PDE1C: variants seen among roughly 807,000 people sequenced by gnomAD.
The protein encoded by PDE1C is phosphodiesterase 1C, also known as dual specificity calcium/calmodulin-dependent 3',5'-cyclic nucleotide phosphodiesterase 1C.
Under a neutral mutation model 93.1 loss-of-function variants are expected in PDE1C, and 62 were observed. The ratio of observed to expected loss-of-function variants is 0.67; its 90% CI spans 0.54 to 0.82. The LOEUF (loss-of-function observed/expected upper bound fraction) is 0.82. Among genes scored for constraint, PDE1C ranks in the 40% least tolerant of loss-of-function variants. The pLI is 0.00. For missense variants in PDE1C, 742 were observed against 884.6 expected (o/e 0.84, Z 2.04); for synonymous variants, 325 against 310.1 (o/e 1.05, Z -0.50).
chr7:31,968,283 G>A (rs1196167709), intron 2 of PDE1C, among the ~76,000 whole-genome samples: 3 of 152,112 alleles, frequency 2.0e-5, no homozygotes, highest in East Asian at 1.9e-4. Flanking sequence ...AAATCAATGT[G>A]CAAAAATCAC....
intron 1 of PDE1C, among the ~76,000 whole-genome samples, chr7:32,325,235 G>C (rs1333358873): frequency 6.6e-6 from 1 of 152,182 alleles, no homozygotes; most frequent in Admixed American, 6.5e-5. Flanking sequence ...CCTGAAGAGA[G>C]CATCCATTGC....
chr7:31,643,696 C>A, the PDE1C span: 1 of 1,614,044 alleles, frequency 6.2e-7, no homozygotes. Context: ...GACACATGGG[C>A]CCCAGCCCCT....
chr7:32,254,104 G>A (rs192408024), intron 1 of PDE1C, among the ~76,000 whole-genome samples: 5 of 152,200 alleles, frequency 3.3e-5, no homozygotes, highest in Admixed American at 6.5e-5. Flanking sequence ...GATACGGGGC[G>A]TATCAGAGGA....
intron 8 of PDE1C, 58 bp from the exon 9 acceptor site, chr7:31,848,154 A>T (rs1397098743): frequency 6.3e-6 from 10 of 1,578,468 alleles, no homozygotes; most frequent in Non-Finnish European, 8.7e-6. Context: ...TACTTGGGTA[A>T]TTCTAACAGG....
chr7:32,101,589 C>A (rs886428342), intron 3 of PDE1C, among the ~76,000 whole-genome samples: 1 of 152,178 alleles, frequency 6.6e-6, no homozygotes, highest in Non-Finnish European at 1.5e-5. Flanking sequence ...TGCTCCCACT[C>A]TCACCATGTG....
intron 3 of PDE1C, among the ~76,000 whole-genome samples, chr7:32,159,901 A>T (rs543061047): frequency 2.6e-5 from 4 of 152,290 alleles, no homozygotes; most frequent in Admixed American, 2.6e-4. Context: ...CAGGCCCCAG[A>T]GGCTCCCACA....
chr7:31,844,799 C>T (rs1250598589), intron 9 of PDE1C, among the ~76,000 whole-genome samples: 1 of 151,990 alleles, frequency 6.6e-6, no homozygotes, highest in South Asian at 2.1e-4. Flanking sequence ...ATAAAATTAT[C>T]CCACATGTCC....
intron 2 of PDE1C, among the ~76,000 whole-genome samples, chr7:32,173,057 C>T (rs924862964): frequency 5.3e-5 from 8 of 152,092 alleles, no homozygotes; most frequent in Non-Finnish European, 2.9e-5. Context: ...GACACATGCA[C>T]ACATATGTTT....
At chr7:32,016,469 T>C (rs76137966) in intron 2 of PDE1C, among the ~76,000 whole-genome samples, 1,879 of 152,326 alleles carry the variant, frequency 0.012, 53 homozygotes, top group African/African-American at 0.043. Flanking sequence ...CTTTAAATGT[T>C]TTTCCATACT....
intron 1 of PDE1C, among the ~76,000 whole-genome samples, chr7:32,248,654 T>G (rs976009826): frequency 6.6e-6 from 1 of 152,162 alleles, no homozygotes; most frequent in Non-Finnish European, 1.5e-5. Context: ...ACAGGAAAAG[T>G]ACAAACTCTG....
chr7:31,826,650 A>G (rs943308614), intron 12 of PDE1C, among the ~76,000 whole-genome samples: 1 of 152,130 alleles, frequency 6.6e-6, no homozygotes, highest in Admixed American at 6.6e-5. Flanking sequence ...TTGATACCTT[A>G]TGTGCCACCT....
chr7:31,835,576 C>T (rs547356665), intron 11 of PDE1C, among the ~76,000 whole-genome samples: 24 of 150,328 alleles, frequency 1.6e-4, no homozygotes, highest in African/African-American at 5.9e-4. Flanking sequence ...GCACCATAGA[C>T]AGAGTGAAGG....
chr7:32,124,964 T>C (rs898900945), intron 3 of PDE1C, among the ~76,000 whole-genome samples: 1 of 152,140 alleles, frequency 6.6e-6, no homozygotes, highest in African/African-American at 2.4e-5. Context: ...ATTTTTGCAA[T>C]CTTTCCATCT....
upstream of PDE1C, among the ~76,000 whole-genome samples, chr7:32,074,926 T>C (rs1796269066): frequency 6.6e-6 from 1 of 152,192 alleles, no homozygotes; most frequent in African/African-American, 2.4e-5. Flanking sequence ...CTTGTTGTCA[T>C]GGAAGAAGCT....
intron 2 of PDE1C, among the ~76,000 whole-genome samples, chr7:32,178,529 CAAT>C (rs1803159250): frequency 6.6e-6 from 1 of 152,168 alleles, no homozygotes; most frequent in South Asian, 2.1e-4. Context: ...AGGTCTTTCT[CAAT>C]AATATCAAAA....
intron 1 of PDE1C, among the ~76,000 whole-genome samples, chr7:32,276,286 A>AC (rs748916649): frequency 1.1e-4 from 17 of 152,240 alleles, no homozygotes; most frequent in South Asian, 4.1e-4. Flanking sequence ...ATTAGAAGTG[A>AC]CAAAAACAAG....
the PDE1C span, among the ~76,000 whole-genome samples, chr7:31,673,497 T>A: frequency 2.0e-5 from 3 of 152,218 alleles, no homozygotes; most frequent in African/African-American, 7.2e-5. Context: ...ATATTTGTTA[T>A]GTACATTGCA....
intron 1 of PDE1C, among the ~76,000 whole-genome samples, chr7:32,328,294 C>A (rs147491053): frequency 4.2e-4 from 64 of 152,276 alleles, no homozygotes; most frequent in African/African-American, 1.5e-3. Context: ...TTTCAGTCTC[C>A]CTGCTTCCAC....
intron 16 of PDE1C, among the ~76,000 whole-genome samples, chr7:31,796,090 T>C (rs1165780336): frequency 1.3e-5 from 2 of 150,680 alleles, no homozygotes; most frequent in South Asian, 4.2e-4. Flanking sequence ...CAGGGACATA[T>C]ATATATCTAT....
Sources: gnomAD v4.1 joint callset for allele counts (sites outside exome capture counted in the v4.1 genomes callset) on GRCh38, gnomAD v4.1.1 for gene constraint, MANE v1.5 for transcripts, NCBI Gene and HGNC (gene_info 2026-07-23, HGNC 2026-07-21) for gene names.